The following AKR1C8 variants were observed in gnomAD, a reference collection of about 807,000 sequenced individuals.
AKR1C8 encodes aldo-keto reductase family 1 member C8.
the AKR1C8 span, among the ~76,000 whole-genome samples, chr10:5,181,036 C>T: frequency 6.6e-6 from 1 of 152,188 alleles, no homozygotes; most frequent in African/African-American, 2.4e-5. Context: ...GAGATGAACC[C>T]GGTACCTCAG....
chr10:5,123,568 G>T, the AKR1C8 span: 35 of 729,764 alleles, frequency 4.8e-5, no homozygotes, highest in Non-Finnish European at 7.7e-5. Flanking sequence ...AACAGCAGCA[G>T]CATCACCTGG....
At chr10:5,166,368 T>C in the AKR1C8 span, among the ~76,000 whole-genome samples, 1 of 152,126 alleles carries the variant, frequency 6.6e-6, no homozygotes, top group South Asian at 2.1e-4. Context: ...GGAGGCATCA[T>C]GCTACCTGAC....
chr10:5,176,472 G>C, the AKR1C8 span, among the ~76,000 whole-genome samples: 8,714 of 149,276 alleles, frequency 0.058, 304 homozygotes, highest in Middle Eastern at 0.079. Flanking sequence ...CTCTTTTTTG[G>C]TTCCATACGA....
At chr10:5,153,485 G>C in the AKR1C8 span, among the ~76,000 whole-genome samples, 475 of 152,222 alleles carry the variant, frequency 3.1e-3, 5 homozygotes, top group Admixed American at 5.5e-3. Context: ...GGGTTAGTCC[G>C]TTGTCACACT....
chr10:5,146,152 G>A, the AKR1C8 span, among the ~76,000 whole-genome samples: 8 of 138,230 alleles, frequency 5.8e-5, no homozygotes, highest in South Asian at 2.3e-4. Flanking sequence ...GAACAATGAG[G>A]TCACATGGAC....
At chr10:5,166,237 C>T in the AKR1C8 span, among the ~76,000 whole-genome samples, 1 of 151,778 alleles carries the variant, frequency 6.6e-6, no homozygotes, top group African/African-American at 2.4e-5. Context: ...GATTCAATGC[C>T]ATCCCCATCA....
At chr10:5,133,566 G>C in the AKR1C8 span, among the ~76,000 whole-genome samples, 1 of 152,128 alleles carries the variant, frequency 6.6e-6, no homozygotes, top group Admixed American at 6.6e-5. Context: ...TTGTCTACAA[G>C]GGATGCTATT....
chr10:5,158,846 G>A, the AKR1C8 span: 1 of 378,646 alleles, frequency 2.6e-6, no homozygotes, highest in Non-Finnish European at 5.2e-6. Flanking sequence ...TTTTCCCCAT[G>A]CACCTTCTGA....
At chr10:5,164,594 G>A in the AKR1C8 span, among the ~76,000 whole-genome samples, 39 of 152,162 alleles carry the variant, frequency 2.6e-4, no homozygotes, top group Admixed American at 7.2e-4. Flanking sequence ...AAAACACTGG[G>A]CCCCTGTCAG....
the AKR1C8 span, among the ~76,000 whole-genome samples, chr10:5,146,989 T>C: frequency 1.6e-4 from 24 of 152,118 alleles, no homozygotes; most frequent in African/African-American, 5.6e-4. Context: ...GGTGAGTAAT[T>C]TATAAAGAAG....
the AKR1C8 span, among the ~76,000 whole-genome samples, chr10:5,158,044 A>C: frequency 0.97 from 148,333 of 152,256 alleles, 72,273 homozygotes; most frequent in East Asian, 1. Context: ...TAACACCCAG[A>C]AATAAAATGG....
chr10:5,162,766 G>A, the AKR1C8 span: 27 of 386,224 alleles, frequency 7.0e-5, no homozygotes, highest in South Asian at 4.0e-4. Flanking sequence ...GGTAAATAAA[G>A]AATTCAACTT....
the AKR1C8 span, among the ~76,000 whole-genome samples, chr10:5,120,783 C>T: frequency 0.39 from 59,477 of 151,796 alleles, 12,418 homozygotes; most frequent in Non-Finnish European, 0.43. Context: ...GACTGAATCT[C>T]TATTCTCATA....
the AKR1C8 span, among the ~76,000 whole-genome samples, chr10:5,172,470 A>G: frequency 1.3e-5 from 2 of 152,118 alleles, no homozygotes; most frequent in African/African-American, 4.8e-5. Flanking sequence ...GATTAAAAGT[A>G]AGGATATTTT....
chr10:5,136,276 G>C, the AKR1C8 span, among the ~76,000 whole-genome samples: 1 of 152,076 alleles, frequency 6.6e-6, no homozygotes, highest in Non-Finnish European at 1.5e-5. Flanking sequence ...GGCCAGACAC[G>C]TTGGCTCACA....
the AKR1C8 span, among the ~76,000 whole-genome samples, chr10:5,143,575 T>C: frequency 6.6e-6 from 1 of 152,104 alleles, no homozygotes; most frequent in Admixed American, 6.6e-5. Context: ...ATCCCTCAAA[T>C]GTATTCCTGT....
At chr10:5,156,988 G>A in the AKR1C8 span, among the ~76,000 whole-genome samples, 37,114 of 152,026 alleles carry the variant, frequency 0.24, 4,704 homozygotes, top group African/African-American at 0.28. Context: ...ATGTGGAGAA[G>A]GGTTTACAAG....
chr10:5,143,339 G>A, the AKR1C8 span, among the ~76,000 whole-genome samples: 6 of 152,052 alleles, frequency 3.9e-5, no homozygotes, highest in African/African-American at 7.2e-5. Context: ...ACCCCTGGAC[G>A]TCAGAAACAT....
At chr10:5,153,809 A>G in the AKR1C8 span, among the ~76,000 whole-genome samples, 1 of 152,216 alleles carries the variant, frequency 6.6e-6, no homozygotes. Flanking sequence ...TATCATTGAC[A>G]TGATATTTGT....
Sources: gnomAD v4.1 joint callset for allele counts (sites outside exome capture counted in the v4.1 genomes callset) on GRCh38, gnomAD v4.1.1 for gene constraint, MANE v1.5 for transcripts, NCBI Gene and HGNC (gene_info 2026-07-23, HGNC 2026-07-21) for gene names.